Variants in LRFN2 observed in about 807,000 individuals in gnomAD.
LRFN2 encodes leucine rich repeat and fibronectin type III domain containing 2, also known as leucine-rich repeat and fibronectin type-III domain-containing protein 2.
In LRFN2, 18 loss-of-function variants were observed where a neutral mutation model predicts 37.3. That is an observed-to-expected ratio of 0.48 (90% CI 0.33 to 0.72). LRFN2 has a LOEUF of 0.72. Among genes scored for constraint, LRFN2 ranks in the 30% least tolerant of loss-of-function variants. The pLI is 0.02. For missense variants in LRFN2, 1,006 were observed against 1,060.7 expected (o/e 0.95, Z 0.72); for synonymous variants, 556 against 466.6 (o/e 1.19, Z -2.47).
At chr6:40,426,375 A>G (rs1343286848) in intron 2 of LRFN2, among the ~76,000 whole-genome samples, 2 of 152,188 alleles carry the variant, frequency 1.3e-5, no homozygotes, top group Admixed American at 1.3e-4. Context: ...CTTTTACTTT[A>G]ATCTGCTGTT....
intron 1 of LRFN2, chr6:40,517,231 A>G (rs1765905084): frequency 6.6e-6 from 1 of 152,164 alleles, no homozygotes; most frequent in African/African-American, 2.4e-5. Context: ...TTTAATTAAC[A>G]CATGGTCTCC....
At chr6:40,515,408 GA>G (rs1220191159) in intron 1 of LRFN2, among the ~76,000 whole-genome samples, 5 of 152,220 alleles carry the variant, frequency 3.3e-5, no homozygotes, top group African/African-American at 1.2e-4. Context: ...GCGTGAGCTT[GA>G]GGGTCACTCT....
intron 2 of LRFN2, among the ~76,000 whole-genome samples, chr6:40,411,453 G>A (rs939598367): frequency 6.6e-6 from 1 of 152,234 alleles, no homozygotes; most frequent in African/African-American, 2.4e-5. Flanking sequence ...ATTGACCTGA[G>A]GCTGTGAGCA....
At chr6:40,425,027 C>T (rs1763317938) in intron 2 of LRFN2, among the ~76,000 whole-genome samples, 1 of 152,234 alleles carries the variant, frequency 6.6e-6, no homozygotes, top group Non-Finnish European at 1.5e-5. Flanking sequence ...TGAATCTGCC[C>T]TCTTGTCCTT....
intron 1 of LRFN2, among the ~76,000 whole-genome samples, chr6:40,556,351 G>T (rs1037257740): frequency 6.6e-6 from 1 of 152,172 alleles, no homozygotes; most frequent in Non-Finnish European, 1.5e-5. Context: ...CTACAGCAGG[G>T]GCCCTTCTGC....
At chr6:40,571,642 G>T (rs574459028) in intron 1 of LRFN2, among the ~76,000 whole-genome samples, 4 of 152,330 alleles carry the variant, frequency 2.6e-5, no homozygotes, top group South Asian at 2.1e-4. Context: ...CCCAATGTGG[G>T]TCTGCACTTC....
chr6:40,444,152 T>G (rs1156619430), intron 1 of LRFN2, among the ~76,000 whole-genome samples: 1 of 152,192 alleles, frequency 6.6e-6, no homozygotes, highest in Non-Finnish European at 1.5e-5. Context: ...AGAGTTTATT[T>G]GGAGGAGCAA....
At chr6:40,433,230 T>TGA in intron 1 of LRFN2, 99 bp from the exon 2 acceptor site, 2 of 934,316 alleles carry the variant, frequency 2.1e-6, no homozygotes, top group Non-Finnish European at 3.1e-6. Flanking sequence ...CCTTAGGGAG[T>TGA]GGCATAGAAT....
intron 1 of LRFN2, among the ~76,000 whole-genome samples, chr6:40,565,974 G>T (rs1054003328): frequency 4.3e-4 from 66 of 152,202 alleles, no homozygotes; most frequent in African/African-American, 1.5e-3. Flanking sequence ...GAAAATTTTT[G>T]CAACCTACTT....
chr6:40,437,760 G>T (rs1162642320), intron 1 of LRFN2, among the ~76,000 whole-genome samples: 8 of 152,124 alleles, frequency 5.3e-5, no homozygotes, highest in African/African-American at 1.4e-4. Flanking sequence ...AGGTTGCAAG[G>T]GCTCTCTCTT....
At chr6:40,546,299 G>A (rs1485192100) in intron 1 of LRFN2, among the ~76,000 whole-genome samples, 2 of 152,156 alleles carry the variant, frequency 1.3e-5, no homozygotes, top group African/African-American at 4.8e-5. Context: ...TAAAGGTCTG[G>A]CATGTTCCAA....
At chr6:40,490,436 G>C (rs1049059534) in intron 1 of LRFN2, among the ~76,000 whole-genome samples, 3 of 152,146 alleles carry the variant, frequency 2.0e-5, no homozygotes, top group African/African-American at 7.2e-5. Context: ...GGCTCACCAT[G>C]CAGCCACCCT....
chr6:40,546,589 T>C (rs140184246), intron 1 of LRFN2, among the ~76,000 whole-genome samples: 1 of 152,324 alleles, frequency 6.6e-6, no homozygotes, highest in African/African-American at 2.4e-5. Flanking sequence ...TAAGGTGAGA[T>C]TCACTGACTT....
intron 1 of LRFN2, among the ~76,000 whole-genome samples, chr6:40,484,818 T>C (rs1021566826): frequency 1.3e-5 from 2 of 152,224 alleles, no homozygotes; most frequent in Non-Finnish European, 2.9e-5. Flanking sequence ...CTAGCCCTCA[T>C]ACATTGAAGA....
At chr6:40,451,356 G>C (rs1581716148) in intron 1 of LRFN2, among the ~76,000 whole-genome samples, 1 of 152,304 alleles carries the variant, frequency 6.6e-6, no homozygotes, top group East Asian at 1.9e-4. Context: ...TCCATGAAGA[G>C]AGGCTGGAGG....
At chr6:40,451,275 C>T (rs1764098630) in intron 1 of LRFN2, among the ~76,000 whole-genome samples, 1 of 152,138 alleles carries the variant, frequency 6.6e-6, no homozygotes, top group African/African-American at 2.4e-5. Context: ...AAGTTCAATT[C>T]CTATTCCACA....
intron 1 of LRFN2, among the ~76,000 whole-genome samples, chr6:40,537,788 G>A (rs1766478450): frequency 6.6e-6 from 1 of 152,140 alleles, no homozygotes; most frequent in African/African-American, 2.4e-5. Flanking sequence ...TGTTAAAGCT[G>A]GATGGACATC....
chr6:40,490,692 G>T (rs1765071499), intron 1 of LRFN2, among the ~76,000 whole-genome samples: 1 of 152,208 alleles, frequency 6.6e-6, no homozygotes, highest in African/African-American at 2.4e-5. Flanking sequence ...GCCTGGGTTT[G>T]CTCATAGCAC....
intron 1 of LRFN2, among the ~76,000 whole-genome samples, chr6:40,524,223 G>A (rs945247088): frequency 6.6e-6 from 1 of 152,062 alleles, no homozygotes; most frequent in South Asian, 2.1e-4. Flanking sequence ...CAAAACACAT[G>A]CAGATTTTAA....
Sources: gnomAD v4.1 joint callset for allele counts (sites outside exome capture counted in the v4.1 genomes callset) on GRCh38, gnomAD v4.1.1 for gene constraint, MANE v1.5 for transcripts, NCBI Gene and HGNC (gene_info 2026-07-23, HGNC 2026-07-21) for gene names.